The following DBT variants were observed in gnomAD, a reference collection of about 807,000 sequenced individuals.
DBT encodes the protein lipoamide acyltransferase component of branched-chain alpha-keto acid dehydrogenase complex, mitochondrial.
Under a neutral mutation model 51.3 loss-of-function variants are expected in DBT, and 40 were observed. The observed-to-expected ratio is 0.78, with a 90% CI of 0.61 to 1.02. The LOEUF (loss-of-function observed/expected upper bound fraction) is 1.02. DBT is among the 50% of genes least tolerant of loss of function. The probability of loss-of-function intolerance (pLI) is 0.00; values close to 1 mark genes in which losing one functional copy is unlikely to be tolerated. For missense variants in DBT, 510 were observed against 580.2 expected (o/e 0.88, Z 1.24); for synonymous variants, 181 against 190.4 (o/e 0.95, Z 0.41).
chr1:100,232,292 GGTTGTTGTTGTT>G (rs35509059), intron 3 of DBT, among the ~76,000 whole-genome samples: 1 of 150,496 alleles, frequency 6.6e-6, no homozygotes, highest in Non-Finnish European at 1.5e-5. Context: ...GGAGCATCTG[GGTTGTTGTTGTT>G]GTTGTTGTTG....
At position 100,193,945 on chromosome 1, in the gene DBT, A is replaced by G. The variant is rs1160430923; in HGVS notation, c.*2310T>C. The G allele has an allele frequency of 6.6e-6, 1 of 152,238 alleles. No individual in the cohort carries two copies. The highest frequency in any genetic ancestry group is 1.5e-5 in the Non-Finnish European group (1 of 68,052). The allele number at this position is 152,238 out of a possible 1,614,324, so 9.4% of individuals were successfully genotyped here. A position where few individuals can be genotyped will look rare whatever the true frequency, so the allele number is the denominator to read the frequency against. ...TGACAATGTGGAATTGTTTATTGAC[A>G]TGTAAGGTTACCCATAATATAATGT... On this transcript the variant is annotated 3_prime_UTR_variant, in exon 11 of 11. Transcript: ENST00000370132.
intron 4 of DBT, among the ~76,000 whole-genome samples, chr1:100,221,123 C>T (rs1480633272): frequency 6.6e-6 from 1 of 152,118 alleles, no homozygotes; most frequent in Non-Finnish European, 1.5e-5. Flanking sequence ...TTTATTGCTA[C>T]CTACCTTTCT....
rs1372998377 is a variant in DBT at position 100,210,785 on chromosome 1, A to C, written c.940-14T>G. On this transcript the variant is annotated splice_polypyrimidine_tract_variant and intron_variant, in intron 7 of 10. Transcript: ENST00000370132. ...CAAGGAAGCAGCCTGTTTAACAGAA[A>C]AAGAATGCAATTTTAGTACTTTTAA... 2 of 1,613,214 alleles carry C rather than the reference A, an allele frequency of 1.2e-6. No homozygotes were observed. Among genetic ancestry groups the C allele is most frequent in the Admixed American group, 3.3e-5 (2 of 60,004 alleles).
intron 4 of DBT, among the ~76,000 whole-genome samples, chr1:100,227,844 T>A (rs773138328): frequency 1.7e-4 from 26 of 152,286 alleles, no homozygotes; most frequent in Non-Finnish European, 3.2e-4. Flanking sequence ...ATTTTTTGTT[T>A]GTTTTTTCTT....
At chr1:100,233,335 TTTC>T (rs1235648305) in intron 3 of DBT, among the ~76,000 whole-genome samples, 11 of 152,320 alleles carry the variant, frequency 7.2e-5, no homozygotes, top group African/African-American at 2.4e-4. Context: ...AAGTATTTTT[TTTC>T]TTTTTCCATA....
chr1:100,203,886 G>A (rs187904039), intron 10 of DBT, among the ~76,000 whole-genome samples: 8 of 152,114 alleles, frequency 5.3e-5, no homozygotes, highest in Admixed American at 5.2e-4. Context: ...AAAAGGCCTT[G>A]GATAAAATTT....
intron 8 of DBT, among the ~76,000 whole-genome samples, chr1:100,210,265 C>A (rs1441276940): frequency 6.6e-6 from 1 of 150,734 alleles, no homozygotes; most frequent in Non-Finnish European, 1.5e-5. Context: ...GAGCCACAAT[C>A]ACAACACTGC....
intron 1 of DBT, among the ~76,000 whole-genome samples, chr1:100,243,970 C>T (rs943751896): frequency 6.6e-5 from 9 of 135,478 alleles, no homozygotes; most frequent in African/African-American, 2.5e-4. Context: ...ATAGGCAGTA[C>T]GTGATAAAGG....
rs752915898 is a variant in DBT at position 100,196,431 on chromosome 1, GAAAAAAAAAAA to G, written c.1282-20_1282-10del. ...TTAAATCGGGGAATGGCCTAGAAAT[GAAAAAAAAAAA>G]AAAAAAAAAAAAAAAAAGAACAAAG... On this transcript the variant is annotated splice_polypyrimidine_tract_variant and intron_variant, in intron 10 of 10. Coordinates refer to ENST00000370132, the MANE Select transcript of DBT (RefSeq NM_001918.5). The G allele has an allele frequency of 4.0e-4, 260 of 647,254 alleles. No individual in the cohort carries two copies. The highest frequency in any genetic ancestry group is 1.1e-3 in the Middle Eastern group (2 of 1,794). The allele number at this position is 647,254 out of a possible 1,614,324, so 40.1% of individuals were successfully genotyped here.
At chr1:100,210,871 CTT>C in intron 7 of DBT, 100 bp from the exon 8 acceptor site, 1 of 1,569,882 alleles carries the variant, frequency 6.4e-7, no homozygotes, top group East Asian at 2.3e-5. Flanking sequence ...AGAGAGAACT[CTT>C]ATTTATGCTG....
chr1:100,207,697 T>A (rs1432699299), intron 8 of DBT, among the ~76,000 whole-genome samples: 1 of 151,918 alleles, frequency 6.6e-6, no homozygotes, highest in Admixed American at 6.6e-5. Context: ...AATTTTTTTT[T>A]AAATTATGGC....
chr1:100,198,236 T>C (rs893216321), intron 10 of DBT, among the ~76,000 whole-genome samples: 2 of 152,206 alleles, frequency 1.3e-5, no homozygotes, highest in Non-Finnish European at 2.9e-5. Flanking sequence ...TTGAGCCAGA[T>C]ACAAAAGGAC....
intron 8 of DBT, among the ~76,000 whole-genome samples, chr1:100,209,736 A>G (rs1339210785): frequency 3.3e-5 from 5 of 151,604 alleles, no homozygotes; most frequent in African/African-American, 1.2e-4. Context: ...TAATTTTTGT[A>G]TTTTTAGTAG....
intron 10 of DBT, among the ~76,000 whole-genome samples, chr1:100,200,689 G>A (rs986361145): frequency 6.6e-6 from 1 of 152,212 alleles, no homozygotes; most frequent in Non-Finnish European, 1.5e-5. Flanking sequence ...GCCCCTCTGG[G>A]ATGAAGCTTC....
intron 8 of DBT, among the ~76,000 whole-genome samples, chr1:100,208,367 A>G (rs1216214900): frequency 2.0e-5 from 3 of 152,174 alleles, no homozygotes; most frequent in Admixed American, 6.5e-5. Flanking sequence ...CATTTCAGGT[A>G]ACGGATACTT....
intron 2 of DBT, among the ~76,000 whole-genome samples, chr1:100,237,740 G>A (rs1663967905): frequency 1.3e-5 from 2 of 152,068 alleles, no homozygotes; most frequent in Admixed American, 1.3e-4. Flanking sequence ...GGGCTCAAGT[G>A]ATCCTCCCAC....
At chr1:100,200,246 C>G (rs541334802) in intron 10 of DBT, among the ~76,000 whole-genome samples, 32 of 152,310 alleles carry the variant, frequency 2.1e-4, no homozygotes, top group Non-Finnish European at 4.6e-4. Context: ...ATTACTGAGG[C>G]TTGAGTAGGC....
Position 100,209,355 on chromosome 1 carries a change from C to T in DBT, c.1017+1339G>A, listed in dbSNP as rs574629864. On this transcript the variant is annotated intron_variant, in intron 8 of 10. Transcript: ENST00000370132. ...GCTCAAGCCATCCTCCTACCTCTGT[C>T]CCCCAAAGTGCTGGGATTACAGGCA... is the stretch of plus-strand genomic sequence containing the variant. Among the ~76,000 whole-genome samples the T allele has an allele frequency of 4.6e-5, 7 of 152,134 alleles. No homozygotes were observed. In the South Asian group the frequency reaches 1.5e-3, roughly 32 times the overall value.
At chr1:100,208,669 GGGTGGATCAC>G (rs1208124858) in intron 8 of DBT, among the ~76,000 whole-genome samples, 1 of 151,792 alleles carries the variant, frequency 6.6e-6, no homozygotes, top group Non-Finnish European at 1.5e-5. Context: ...AGGCTGAGGT[GGGTGGATCAC>G]TTGAGCCCAG....
Sources: gnomAD v4.1 joint callset for allele counts (sites outside exome capture counted in the v4.1 genomes callset) on GRCh38, gnomAD v4.1.1 for gene constraint, MANE v1.5 for transcripts, NCBI Gene and HGNC (gene_info 2026-07-23, HGNC 2026-07-21) for gene names.